The following CSMD1 variants were observed in gnomAD, a reference collection of about 807,000 sequenced individuals.
CSMD1 encodes CUB and Sushi multiple domains 1, also known as CUB and sushi domain-containing protein 1.
A neutral mutation model predicts 417.5 loss-of-function variants in CSMD1; 213 were observed. That is an observed-to-expected ratio of 0.51 (90% confidence interval 0.46 to 0.57). The LOEUF (loss-of-function observed/expected upper bound fraction) is 0.57. Ranked by LOEUF, CSMD1 falls within the 20% of genes least tolerant of loss-of-function variation. The probability of loss-of-function intolerance (pLI) is 0.00; values close to 1 mark genes in which losing one functional copy is unlikely to be tolerated. For synonymous variants in CSMD1, 2,862 were observed against 1,736.8 expected (o/e 1.65, Z -16.11); for missense variants, 6,923 against 4,529.7 (o/e 1.53, Z -15.17).
intron 5 of CSMD1, among the ~76,000 whole-genome samples, chr8:3,869,270 A>T (rs1451856616): frequency 1.3e-5 from 2 of 152,100 alleles, no homozygotes; most frequent in Non-Finnish European, 2.9e-5. Flanking sequence ...TCTCTTTCTC[A>T]AATTGTGACA....
intron 3 of CSMD1, among the ~76,000 whole-genome samples, chr8:4,195,362 T>A (rs981261924): frequency 6.6e-6 from 1 of 152,168 alleles, no homozygotes; most frequent in African/African-American, 2.4e-5. Flanking sequence ...CCCTAACAAA[T>A]TGGATCTTCT....
chr8:3,588,778 C>A (rs969852777), intron 8 of CSMD1, among the ~76,000 whole-genome samples: 12 of 152,008 alleles, frequency 7.9e-5, no homozygotes, highest in African/African-American at 2.7e-4. Flanking sequence ...AAACAACAAA[C>A]AGAGTGAAGA....
intron 50 of CSMD1, among the ~76,000 whole-genome samples, chr8:3,049,764 G>C (rs1454606980): frequency 1.3e-5 from 2 of 152,090 alleles, no homozygotes; most frequent in Non-Finnish European, 2.9e-5. Flanking sequence ...TGAACGCTGG[G>C]CTCTGGGTGA....
intron 49 of CSMD1, among the ~76,000 whole-genome samples, chr8:3,073,299 A>C (rs962871394): frequency 1.3e-5 from 2 of 152,196 alleles, no homozygotes; most frequent in African/African-American, 4.8e-5. Context: ...AGATGATTTA[A>C]CATAGAAAGT....
At chr8:3,245,792 C>G (rs1310936955) in intron 26 of CSMD1, among the ~76,000 whole-genome samples, 2 of 152,190 alleles carry the variant, frequency 1.3e-5, no homozygotes, top group African/African-American at 2.4e-5. Context: ...GTTAAGCCCT[C>G]TTGCTAGGGG....
intron 6 of CSMD1, among the ~76,000 whole-genome samples, chr8:3,752,523 C>T (rs1196416714): frequency 6.6e-6 from 1 of 151,498 alleles, no homozygotes; most frequent in East Asian, 1.9e-4. Context: ...GTGTGGTGGT[C>T]TGCACCTGTA....
At chr8:3,342,345 G>C (rs1345199273) in intron 23 of CSMD1, among the ~76,000 whole-genome samples, 2 of 151,964 alleles carry the variant, frequency 1.3e-5, no homozygotes, top group Non-Finnish European at 2.9e-5. Flanking sequence ...ATCAAATAAA[G>C]GTATCCATCA....
intron 26 of CSMD1, among the ~76,000 whole-genome samples, chr8:3,264,577 T>C (rs946846168): frequency 1.1e-4 from 17 of 152,206 alleles, no homozygotes; most frequent in African/African-American, 4.1e-4. Context: ...GAACAGAGAA[T>C]AAATATTAAC....
intron 8 of CSMD1, among the ~76,000 whole-genome samples, chr8:3,606,654 T>A (rs1801629716): frequency 6.6e-6 from 1 of 152,060 alleles, no homozygotes; most frequent in Admixed American, 6.6e-5. Flanking sequence ...TTATTAATGC[T>A]TTTCTTTCTT....
At chr8:4,507,139 T>G (rs1246831217) in intron 2 of CSMD1, among the ~76,000 whole-genome samples, 1 of 152,326 alleles carries the variant, frequency 6.6e-6, no homozygotes, top group East Asian at 1.9e-4. Context: ...ATTAAACTTT[T>G]ACATTCTTCC....
intron 1 of CSMD1, among the ~76,000 whole-genome samples, chr8:4,665,152 T>C (rs962228026): frequency 1.3e-5 from 2 of 152,182 alleles, no homozygotes; most frequent in Non-Finnish European, 2.9e-5. Context: ...CCTGCATTTT[T>C]TGCTTTCTTA....
chr8:4,901,883 A>T (rs565169752), intron 1 of CSMD1, among the ~76,000 whole-genome samples: 1 of 152,236 alleles, frequency 6.6e-6, no homozygotes, highest in South Asian at 2.1e-4. Flanking sequence ...CCCACCAGCC[A>T]AAAGGACACT....
At chr8:4,844,350 G>T (rs988000529) in intron 1 of CSMD1, among the ~76,000 whole-genome samples, 1 of 152,052 alleles carries the variant, frequency 6.6e-6, no homozygotes, top group Admixed American at 6.5e-5. Context: ...TTGCAGAAAA[G>T]ATCACTGGGA....
chr8:4,239,624 G>C (rs1057430969), intron 3 of CSMD1, among the ~76,000 whole-genome samples: 1 of 152,146 alleles, frequency 6.6e-6, no homozygotes, highest in East Asian at 1.9e-4. Flanking sequence ...TCCACCTAGA[G>C]AACCCAAACT....
intron 3 of CSMD1, among the ~76,000 whole-genome samples, chr8:4,286,604 G>A (rs887570586): frequency 6.6e-6 from 1 of 152,110 alleles, no homozygotes; most frequent in African/African-American, 2.4e-5. Context: ...CATCTATTAG[G>A]TTTGGGAACA....
At position 4,011,914 on chromosome 8, in the gene CSMD1, C is replaced by G. The variant is rs76583640; in HGVS notation, c.611-13804G>C. On this transcript the variant is annotated intron_variant, in intron 4 of 69. Transcript: ENST00000635120. ...AAAATGGAATTTTATTTGCATATAA[C>G]TTATACACATCTTCCCATATACTTT... Among the ~76,000 whole-genome samples, 1,199 of 152,138 alleles carry G rather than the reference C, an allele frequency of 7.9e-3. 60 individuals carry two copies. In the East Asian group the frequency reaches 0.13, roughly 17 times the overall value.
intron 3 of CSMD1, among the ~76,000 whole-genome samples, chr8:4,280,032 C>T (rs1389821662): frequency 6.6e-6 from 1 of 152,240 alleles, no homozygotes; most frequent in East Asian, 1.9e-4. Flanking sequence ...CAGCCTAGAA[C>T]ACAGTGAACT....
At chr8:4,857,366 C>A (rs529786535) in intron 1 of CSMD1, among the ~76,000 whole-genome samples, 1 of 151,368 alleles carries the variant, frequency 6.6e-6, no homozygotes, top group African/African-American at 2.4e-5. Flanking sequence ...ATTAGAAAAG[C>A]AAGAGCAAAC....
intron 5 of CSMD1, among the ~76,000 whole-genome samples, chr8:3,807,400 GT>G (rs1273322885): frequency 1.3e-5 from 2 of 150,658 alleles, no homozygotes; most frequent in African/African-American, 4.9e-5. Flanking sequence ...ATTCAATACT[GT>G]ATTCAGCAGA....
Sources: gnomAD v4.1 joint callset for allele counts (sites outside exome capture counted in the v4.1 genomes callset) on GRCh38, gnomAD v4.1.1 for gene constraint, MANE v1.5 for transcripts, NCBI Gene and HGNC (gene_info 2026-07-23, HGNC 2026-07-21) for gene names.